Variants in MERTK observed in about 807,000 individuals in gnomAD.
MERTK encodes tyrosine-protein kinase Mer.
Under a neutral mutation model 99.3 loss-of-function variants are expected in MERTK, and 69 were observed. The ratio of observed to expected loss-of-function variants is 0.70; its 90% CI spans 0.57 to 0.85. The LOEUF (loss-of-function observed/expected upper bound fraction) is 0.85, where lower values mean the gene tolerates loss of function less well. MERTK is among the 40% of genes least tolerant of loss of function. MERTK has a pLI of 0.00. For missense variants in MERTK, 1,125 were observed against 1,249.4 expected (o/e 0.90, Z 1.50); for synonymous variants, 426 against 467.6 (o/e 0.91, Z 1.15).
chr2:111,961,156 CTTT>C (rs1052197732), intron 4 of MERTK, among the ~76,000 whole-genome samples: 14 of 98,054 alleles, frequency 1.4e-4, no homozygotes, highest in African/African-American at 4.6e-4. Context: ...AATTTTCTTT[CTTT>C]TTTTTTTTTT....
intron 2 of MERTK, among the ~76,000 whole-genome samples, 176 bp from the exon 3 acceptor site, chr2:111,944,784 T>A (rs1684935054): frequency 6.6e-6 from 1 of 152,202 alleles, no homozygotes; most frequent in Non-Finnish European, 1.5e-5. Flanking sequence ...AAAAGTACCT[T>A]CACAGCAACA....
At position 111,899,334 on chromosome 2, in the gene MERTK, G is replaced by GT. The variant is rs202124552; in HGVS notation, c.61+538_61+539insT. On this transcript the variant is annotated intron_variant, in intron 1 of 18. Coordinates refer to ENST00000295408, the MANE Select transcript of MERTK (RefSeq NM_006343.3). ...GACTGAGGCCGAGCGACGGGCCAGGGGGGGACGGCAGTCCTGGCTGCTCCC... is the reference window on the plus strand; with the variant it reads ...GACTGAGGCCGAGCGACGGGCCAGGGTGGGGACGGCAGTCCTGGCTGCTCCC... 4.6e-4 allele frequency among the ~76,000 whole-genome samples: 70 copies of GT among 152,292 alleles called. No individual in the cohort carries two copies. In the East Asian group the frequency reaches 0.012, roughly 26 times the overall value.
rs1046210754 is a variant in MERTK, at chr2:111,958,952, GATA to G, written c.758-6233_758-6231del. 3.4e-4 allele frequency among the ~76,000 whole-genome samples: 47 copies of G among 138,204 alleles called. 2 individuals are homozygous for G. The highest frequency in any genetic ancestry group is 1.3e-3 in the African/African-American group (47 of 35,198). The allele number at this position is 138,204 out of a possible 152,430, so 90.7% of individuals were successfully genotyped here. ...TATTCAAGGGTTTCCTAAGAGTTTTGATAATAATTGAAGTCAAATGACTAATTT... is the reference window on the plus strand; with the variant it reads ...TATTCAAGGGTTTCCTAAGAGTTTTGATAATTGAAGTCAAATGACTAATTT... On this transcript the variant is annotated intron_variant, in intron 4 of 18. Coordinates refer to ENST00000295408, the MANE Select transcript of MERTK (RefSeq NM_006343.3).
chr2:111,909,587 G>A (rs898807258), intron 1 of MERTK, among the ~76,000 whole-genome samples: 4 of 152,132 alleles, frequency 2.6e-5, no homozygotes, highest in African/African-American at 9.7e-5. Flanking sequence ...TCCAGAAGAA[G>A]GTCCTCAGGA....
In MERTK at chr2:111,965,291, C is replaced by T; in HGVS notation, c.844+14C>T. 1.2e-6 allele frequency: 2 copies of T among 1,613,368 alleles called. No homozygotes were observed. Among genetic ancestry groups the T allele is most frequent in the Non-Finnish European group, 1.7e-6 (2 of 1,179,394 alleles). Reference sequence around the variant, plus strand: ...TCAACATCAAAGGTAAGCAGCAAGGCTAGGCTCCCCATGCATGTTCTGGGA... The same window carrying T: ...TCAACATCAAAGGTAAGCAGCAAGGTTAGGCTCCCCATGCATGTTCTGGGA... On this transcript the variant is annotated intron_variant, in intron 5 of 18. Transcript: ENST00000295408.
intron 18 of MERTK, chr2:112,028,066 C>T (rs917502647): frequency 2.2e-5 from 10 of 451,350 alleles, no homozygotes; most frequent in Middle Eastern, 6.3e-4. Context: ...GTTTGCCCGC[C>T]GCCATATAAA....
chr2:111,917,027 T>C (rs1034992598), intron 1 of MERTK, among the ~76,000 whole-genome samples: 1 of 152,172 alleles, frequency 6.6e-6, no homozygotes, highest in Non-Finnish European at 1.5e-5. Flanking sequence ...AAGTGCCTCA[T>C]TTCTGTTCCA....
chr2:111,972,346 GA>G (rs1258793590), intron 6 of MERTK, among the ~76,000 whole-genome samples: 1 of 152,294 alleles, frequency 6.6e-6, no homozygotes, highest in African/African-American at 2.4e-5. Context: ...GAGAGGACAT[GA>G]AACATGAGGA....
At chr2:111,996,935 G>A (rs1676757714) in intron 9 of MERTK, 2 of 261,394 alleles carry the variant, frequency 7.7e-6, no homozygotes, top group African/African-American at 4.5e-5. Flanking sequence ...AATTTTTCAT[G>A]TTTCTAACAT....
intron 4 of MERTK, among the ~76,000 whole-genome samples, chr2:111,962,055 C>T (rs145481240): frequency 1.8e-4 from 27 of 152,206 alleles, no homozygotes; most frequent in Admixed American, 1.4e-3. Flanking sequence ...AGACAGAAGA[C>T]ACAAAATAAG....
At chr2:111,963,242 CT>C (rs1685286842) in intron 4 of MERTK, among the ~76,000 whole-genome samples, 1 of 152,238 alleles carries the variant, frequency 6.6e-6, no homozygotes, top group Non-Finnish European at 1.5e-5. Flanking sequence ...CGGTTTTCCC[CT>C]ATCTCAGTAG....
chr2:111,944,303 C>CAAAAAAAAA (rs776451722), intron 2 of MERTK, among the ~76,000 whole-genome samples: 1 of 68,090 alleles, frequency 1.5e-5, no homozygotes, highest in African/African-American at 5.5e-5. Flanking sequence ...GAATCTGTCT[C>CAAAAAAAAA]AAAAAAAAAA....
chr2:111,919,840 CA>C (rs1684421922), intron 1 of MERTK, among the ~76,000 whole-genome samples: 1 of 149,098 alleles, frequency 6.7e-6, no homozygotes, highest in African/African-American at 2.5e-5. Flanking sequence ...TGTATTGGGC[CA>C]GGGGCAGTAG....
At chr2:111,987,983 A>C (rs1482964976) in intron 8 of MERTK, among the ~76,000 whole-genome samples, 1 of 143,210 alleles carries the variant, frequency 7.0e-6, no homozygotes, top group African/African-American at 2.6e-5. Flanking sequence ...TGATATATAG[A>C]ACTAACTTTT....
rs555534794 is a variant in MERTK, at chr2:111,990,168, G to A, written c.1297-4083G>A. On this transcript the variant is annotated intron_variant, in intron 8 of 18. Coordinates refer to ENST00000295408, the MANE Select transcript of MERTK (RefSeq NM_006343.3). ...TTGGGGATATGAATTGGGGCACACC[G>A]TTCTTTACATACTTGGCACCAAAAC... Among the ~76,000 whole-genome samples, 9 of 152,196 alleles carry A rather than the reference G, an allele frequency of 5.9e-5. 1 individual carries two copies. The South Asian group carries it at 1.4e-3, about 25-fold the overall frequency.
intron 4 of MERTK, among the ~76,000 whole-genome samples, chr2:111,950,125 A>G (rs189835850): frequency 5.1e-4 from 77 of 152,210 alleles, no homozygotes; most frequent in Non-Finnish European, 9.6e-4. Flanking sequence ...AAGTAGAGAC[A>G]GGGTTTCAGC....
chr2:111,901,875 TAAC>T (rs1308417824), intron 1 of MERTK, among the ~76,000 whole-genome samples: 1 of 152,040 alleles, frequency 6.6e-6, no homozygotes, highest in Non-Finnish European at 1.5e-5. Flanking sequence ...TTTAAAAAAT[TAAC>T]AATAATTATG....
intron 4 of MERTK, among the ~76,000 whole-genome samples, chr2:111,951,509 T>C (rs1685053361): frequency 1.4e-5 from 1 of 73,864 alleles, no homozygotes; most frequent in Admixed American, 1.6e-4. Flanking sequence ...TTGTACACGC[T>C]GAATAATATT....
At chr2:112,004,662 A>AG in intron 13 of MERTK, among the ~76,000 whole-genome samples, 1 of 152,208 alleles carries the variant, frequency 6.6e-6, no homozygotes, top group East Asian at 1.9e-4. Flanking sequence ...CTGGAATCCC[A>AG]GCACTTTGGG....
Sources: allele counts gnomAD v4.1 joint callset (sites outside exome capture counted in the v4.1 genomes callset), GRCh38; gene constraint gnomAD v4.1.1; transcripts MANE v1.5; gene names NCBI Gene and HGNC (gene_info 2026-07-23, HGNC 2026-07-21).